Variants in ALK observed in about 807,000 individuals in gnomAD.
ALK encodes ALK tyrosine kinase receptor.
A neutral mutation model predicts 163.1 loss-of-function variants in ALK; 74 were observed. The observed-to-expected ratio is 0.45, with a 90% CI of 0.38 to 0.55. The LOEUF is 0.55. Ranked by LOEUF, ALK falls within the 20% of genes least tolerant of loss-of-function variation. The pLI is 0.00. For missense variants in ALK, 2,063 were observed against 2,105.3 expected, an observed-to-expected ratio of 0.98 and a Z score of 0.39; for synonymous variants, 960 against 843.2, an observed-to-expected ratio of 1.14 and a Z score of -2.40.
In ALK at chr2:29,233,685, T is replaced by G. The variant is rs533224903; in HGVS notation, c.2367A>C (p.Leu789Phe). The stretch of plus-strand genomic sequence containing the variant: ...TCTCTCCAATGCAGACTTTCTGGAT[T>G]AACTGGTTTGTCTGTAGAAACAAAA... ...GEDACPSTNQLIQKVCIGENN... is the reference protein window; with the variant it reads ...GEDACPSTNQFIQKVCIGENN... The change falls in exon 14 of 29, where the codon TTA becomes TTC. Residue 789 changes from leucine (L) to phenylalanine (F), a missense_variant. This residue lies in a region of ALK where 575 missense variants were observed against 626.6 expected (regional missense o/e 0.92). Transcript: ENST00000389048. 1 of 1,614,248 alleles carries G rather than the reference T, an allele frequency of 6.2e-7. No individual in the cohort carries two copies. The highest frequency in any genetic ancestry group is 2.2e-5 in the East Asian group (1 of 44,894).
intron 1 of ALK, among the ~76,000 whole-genome samples, chr2:29,854,266 C>T (rs1191870967): frequency 6.6e-6 from 1 of 151,938 alleles, no homozygotes; most frequent in Admixed American, 6.6e-5. Context: ...GATGTTTGTC[C>T]CCTCCAAATC....
chr2:29,525,819 G>A (rs1238625029), intron 4 of ALK, among the ~76,000 whole-genome samples: 1 of 146,758 alleles, frequency 6.8e-6, no homozygotes, highest in African/African-American at 2.5e-5. Context: ...AAAAAAAGAT[G>A]AGACTCAATT....
chr2:29,395,288 G>C (rs1445932594), intron 4 of ALK, among the ~76,000 whole-genome samples: 1 of 152,182 alleles, frequency 6.6e-6, no homozygotes, highest in Non-Finnish European at 1.5e-5. Context: ...TATACAGTAG[G>C]GTGAAACTTG....
At chr2:29,828,698 C>T (rs545083058) in intron 1 of ALK, among the ~76,000 whole-genome samples, 1 of 152,160 alleles carries the variant, frequency 6.6e-6, no homozygotes, top group Non-Finnish European at 1.5e-5. Flanking sequence ...GAAATAGGAA[C>T]ACTTTTACAC....
intron 2 of ALK, among the ~76,000 whole-genome samples, chr2:29,699,140 G>T (rs1678655842): frequency 6.6e-6 from 1 of 152,168 alleles, no homozygotes; most frequent in South Asian, 2.1e-4. Context: ...TTACAGGAGG[G>T]ATTCAGAGGG....
rs56132472 is a variant in ALK, at chr2:29,193,749, G to A, written c.4338C>T (p.Thr1446=). The change falls in exon 29 of 29, where the codon ACC becomes ACT. Residue 1446 remains threonine, a synonymous_variant. Transcript: ENST00000389048. ...RSPAAPPPLP[T]TSSGKAAKKP... is the part of the protein sequence containing the mutation. ...TCTTTGCAGCCTTGCCAGAGGAGGT[G>A]GTAGGCAGAGGTGGTGGGGCAGCTG... The A allele has an allele frequency of 0.11, 174,522 of 1,598,386 alleles. 10,721 individuals are homozygous for A. The highest frequency in any genetic ancestry group is 0.12 in the Non-Finnish European group (140,411 of 1,171,290).
chr2:29,582,733 CAG>C (rs2148199622), intron 3 of ALK, among the ~76,000 whole-genome samples: 1 of 152,154 alleles, frequency 6.6e-6, no homozygotes, highest in South Asian at 2.1e-4. Context: ...GTGAGAGAGA[CAG>C]AGAGAGTATA....
At chr2:29,676,326 A>G (rs549342500) in intron 3 of ALK, among the ~76,000 whole-genome samples, 1 of 152,188 alleles carries the variant, frequency 6.6e-6, no homozygotes, top group East Asian at 1.9e-4. Context: ...TAGAAACTGT[A>G]TACTTTTGGC....
intron 4 of ALK, among the ~76,000 whole-genome samples, chr2:29,507,191 C>A (rs537376197): frequency 6.6e-6 from 1 of 152,226 alleles, no homozygotes; most frequent in Admixed American, 6.5e-5. Context: ...TATTATTCAG[C>A]ATTAAAAAAG....
intron 1 of ALK, among the ~76,000 whole-genome samples, chr2:29,883,560 G>A (rs942696870): frequency 9.2e-5 from 14 of 152,160 alleles, no homozygotes; most frequent in African/African-American, 3.4e-4. Flanking sequence ...CAGGCTCACA[G>A]GGGCCCTCAG....
chr2:29,859,464 G>T (rs887253978), intron 1 of ALK, among the ~76,000 whole-genome samples: 1 of 152,142 alleles, frequency 6.6e-6, no homozygotes, highest in East Asian at 1.9e-4. Flanking sequence ...AAACTACTTA[G>T]ACTTCACCCA....
chr2:29,511,626 C>A (rs1015280827), intron 4 of ALK, among the ~76,000 whole-genome samples: 2 of 152,114 alleles, frequency 1.3e-5, no homozygotes, highest in Non-Finnish European at 2.9e-5. Context: ...TGGGGACATA[C>A]GTTTTCATCC....
At chr2:29,693,296 C>A (rs1265084695) in intron 3 of ALK, among the ~76,000 whole-genome samples, 1 of 152,060 alleles carries the variant, frequency 6.6e-6, no homozygotes, top group East Asian at 1.9e-4. Context: ...GACACGTAGT[C>A]TCCATCTCAG....
At chr2:29,416,364 C>G (rs906258544) in intron 4 of ALK, among the ~76,000 whole-genome samples, 3 of 152,164 alleles carry the variant, frequency 2.0e-5, no homozygotes, top group Non-Finnish European at 2.9e-5. Context: ...TGCAGGAGAA[C>G]CATCTTTTAG....
At chr2:29,355,142 C>T (rs910467472) in intron 5 of ALK, among the ~76,000 whole-genome samples, 3 of 152,116 alleles carry the variant, frequency 2.0e-5, no homozygotes, top group African/African-American at 4.8e-5. Context: ...GGTGTTTGGC[C>T]GACTCATGAG....
intron 3 of ALK, among the ~76,000 whole-genome samples, chr2:29,675,937 A>T (rs943758767): frequency 1.3e-5 from 2 of 151,942 alleles, no homozygotes; most frequent in African/African-American, 4.8e-5. Context: ...TATTGACCAG[A>T]CTGGTCTTGA....
intron 3 of ALK, among the ~76,000 whole-genome samples, chr2:29,678,797 G>C (rs192577536): frequency 1.3e-5 from 2 of 150,024 alleles, no homozygotes; most frequent in Admixed American, 1.3e-4. Context: ...TTTCTTTATG[G>C]CCTGGCATAT....
chr2:29,782,656 T>G (rs527646895), intron 1 of ALK, among the ~76,000 whole-genome samples: 1 of 152,172 alleles, frequency 6.6e-6, no homozygotes, highest in African/African-American at 2.4e-5. Context: ...AGGAGGCAGA[T>G]TGAAAGCCAG....
intron 1 of ALK, among the ~76,000 whole-genome samples, chr2:29,795,766 A>T (rs1012079014): frequency 6.6e-6 from 1 of 152,210 alleles, no homozygotes; most frequent in African/African-American, 2.4e-5. Context: ...AAAATACTAA[A>T]TTGTTAACAG....
Sources: allele counts gnomAD v4.1 joint callset (sites outside exome capture counted in the v4.1 genomes callset), GRCh38; gene constraint gnomAD v4.1.1; regional missense constraint gnomAD v4.1.1; transcripts MANE v1.5; gene names NCBI Gene and HGNC (gene_info 2026-07-23, HGNC 2026-07-21).